CDK7: variants seen among roughly 807,000 people sequenced by gnomAD.
CDK7 encodes the protein cyclin dependent kinase 7.
Under a neutral mutation model 49.1 loss-of-function variants are expected in CDK7, and 25 were observed. The ratio of observed to expected loss-of-function variants is 0.51; its 90% CI spans 0.37 to 0.71. The LOEUF (loss-of-function observed/expected upper bound fraction) is 0.71, where lower values mean the gene tolerates loss of function less well. Among genes scored for constraint, CDK7 ranks in the 30% least tolerant of loss-of-function variants. The pLI is 0.00. For missense variants in CDK7, 316 were observed against 411.7 expected (o/e 0.77, Z 2.01); for synonymous variants, 107 against 140.0 (o/e 0.76, Z 1.67).
At chr5:69,248,549 C>T (rs895393674) in intron 2 of CDK7, among the ~76,000 whole-genome samples, 13 of 151,824 alleles carry the variant, frequency 8.6e-5, no homozygotes, top group Admixed American at 6.6e-4. Flanking sequence ...CCACCACGCC[C>T]AGCTAATTTT....
intron 2 of CDK7, among the ~76,000 whole-genome samples, chr5:69,236,053 C>T (rs9687724): frequency 1.2e-4 from 19 of 152,016 alleles, no homozygotes; most frequent in African/African-American, 4.6e-4. Context: ...CCATCCTGGC[C>T]AACATGGTGA....
At position 69,263,651 on chromosome 5, in the gene CDK7, G is replaced by A. The variant is rs2932791; in HGVS notation, c.627+1347G>A. ...AATATGGGAATCACAGTGCTAACAG[G>A]GGGTCCTGTGAATCAGCTGGCATGA... On this transcript the variant is annotated intron_variant, in intron 8 of 11. Transcript: ENST00000256443. 0.01 allele frequency among the ~76,000 whole-genome samples: 1,590 copies of A among 152,320 alleles called. 115 individuals carry two copies. The East Asian group carries it at 0.2, about 19-fold the overall frequency.
rs769230269 is a variant in CDK7, at chr5:69,255,710, T to TC, written c.297+186dup. ...ATTTTCTTCTAATCATTTAGTGATA[T>TC]CCCCAGTGTTACATACAAAGATTTG... On this transcript the variant is annotated intron_variant, in intron 5 of 11. Transcript: ENST00000256443. 5.7e-5 allele frequency: 36 copies of TC among 631,434 alleles called. 1 individual carries two copies. Among genetic ancestry groups the TC allele is most frequent in the Non-Finnish European group, 1.0e-4 (36 of 349,050 alleles). 39.1% of individuals were successfully genotyped at this position (631,434 alleles called of 1,614,324 possible). A position where few individuals can be genotyped will look rare whatever the true frequency, so the allele number is the denominator to read the frequency against.
chr5:69,267,494 T>C (rs185219535), intron 8 of CDK7, among the ~76,000 whole-genome samples: 1 of 152,000 alleles, frequency 6.6e-6, no homozygotes, highest in East Asian at 1.9e-4. Flanking sequence ...AAAATGGTTT[T>C]GTGATGTTGA....
At chr5:69,268,463 G>A (rs186341098) in intron 8 of CDK7, among the ~76,000 whole-genome samples, 5 of 152,218 alleles carry the variant, frequency 3.3e-5, no homozygotes, top group East Asian at 1.9e-4. Context: ...ATCTAATAAC[G>A]TACCCAATAC....
At chr5:69,261,924 A>C (rs566292879) in intron 7 of CDK7, among the ~76,000 whole-genome samples, 1 of 152,316 alleles carries the variant, frequency 6.6e-6, no homozygotes, top group East Asian at 1.9e-4. Flanking sequence ...GGCACCTATT[A>C]GGGGAGGTAG....
intron 2 of CDK7, among the ~76,000 whole-genome samples, chr5:69,248,128 G>A (rs918935666): frequency 1.3e-5 from 2 of 152,108 alleles, no homozygotes; most frequent in African/African-American, 4.8e-5. Context: ...GACAGGCCTG[G>A]TGTTTATAAA....
chr5:69,246,911 A>G (rs1053967784), intron 2 of CDK7, among the ~76,000 whole-genome samples: 16 of 152,130 alleles, frequency 1.1e-4, no homozygotes, highest in African/African-American at 3.9e-4. Context: ...AGTTTCCAAA[A>G]TTCCTCTTGT....
At chr5:69,258,213 A>G (rs1750605753) in intron 6 of CDK7, 60 bp downstream of exon 6, 1 of 697,956 alleles carries the variant, frequency 1.4e-6, no homozygotes, top group Non-Finnish European at 2.5e-6. Context: ...AATTTGGTAC[A>G]TAGTGGTCTG....
chr5:69,255,839 T>G (rs572333496), intron 5 of CDK7: 16 of 307,422 alleles, frequency 5.2e-5, no homozygotes, highest in East Asian at 1.6e-4. Flanking sequence ...TTTTTTTTTT[T>G]TGTGATGGAG....
chr5:69,259,235 G>A (rs1248646583), intron 6 of CDK7, among the ~76,000 whole-genome samples: 2 of 151,988 alleles, frequency 1.3e-5, no homozygotes, highest in African/African-American at 2.4e-5. Flanking sequence ...AAAATTCAAG[G>A]TACAAAATAC....
At chr5:69,252,922 A>T (rs1226697111) in intron 3 of CDK7, among the ~76,000 whole-genome samples, 1 of 152,228 alleles carries the variant, frequency 6.6e-6, no homozygotes, top group African/African-American at 2.4e-5. Context: ...CTCAGCATAG[A>T]GAAGGAGTAT....
intron 4 of CDK7, 135 bp downstream of exon 4, chr5:69,254,804 T>C (rs2054975): frequency 0.32 from 185,715 of 583,834 alleles, 31,296 homozygotes; most frequent in East Asian, 0.43. Context: ...ACATTTTCTA[T>C]CCCAGTTGTT....
At chr5:69,257,921 G>C in intron 5 of CDK7, 122 bp from the exon 6 acceptor site, 2 of 647,326 alleles carry the variant, frequency 3.1e-6, no homozygotes, top group Non-Finnish European at 5.5e-6. Flanking sequence ...AGGAAACTTA[G>C]ATAACCTCTT....
chr5:69,250,172 AT>A (rs1750046212), intron 2 of CDK7, among the ~76,000 whole-genome samples: 1 of 152,232 alleles, frequency 6.6e-6, no homozygotes, highest in Non-Finnish European at 1.5e-5. Context: ...TCAGGTATTT[AT>A]TATAGTCTTC....
At chr5:69,236,485 C>G (rs1748981574) in intron 2 of CDK7, among the ~76,000 whole-genome samples, 1 of 151,998 alleles carries the variant, frequency 6.6e-6, no homozygotes, top group African/African-American at 2.4e-5. Flanking sequence ...ATCTGCTTCT[C>G]CTGCTTCAAA....
At chr5:69,245,039 G>A (rs1238090675) in intron 2 of CDK7, among the ~76,000 whole-genome samples, 1 of 152,010 alleles carries the variant, frequency 6.6e-6, no homozygotes, top group Admixed American at 6.6e-5. Flanking sequence ...AATCCCACTT[G>A]GTCATGATGA....
intron 2 of CDK7, among the ~76,000 whole-genome samples, chr5:69,237,539 C>T (rs147546742): frequency 1.4e-4 from 21 of 152,212 alleles, no homozygotes; most frequent in African/African-American, 4.6e-4. Flanking sequence ...TTTCTGTCAT[C>T]GATGTGGCAT....
chr5:69,246,039 C>T (rs1749731337), intron 2 of CDK7, among the ~76,000 whole-genome samples: 1 of 152,144 alleles, frequency 6.6e-6, no homozygotes, highest in African/African-American at 2.4e-5. Flanking sequence ...TACCAAAAAT[C>T]CAGACTTAAT....
Sources: allele counts gnomAD v4.1 joint callset (sites outside exome capture counted in the v4.1 genomes callset), GRCh38; gene constraint gnomAD v4.1.1; transcripts MANE v1.5; gene names NCBI Gene and HGNC (gene_info 2026-07-23, HGNC 2026-07-21).